Variants in NSMCE2 observed in about 807,000 individuals in gnomAD.
NSMCE2 encodes E3 SUMO-protein ligase NSE2.
A neutral mutation model predicts 23.8 loss-of-function variants in NSMCE2; 24 were observed. That is an observed-to-expected ratio of 1.01 (90% CI 0.73 to 1.42). NSMCE2 has a LOEUF of 1.42. NSMCE2 is among the 40% of genes most tolerant of loss of function. NSMCE2 has a pLI of 0.00. For missense variants in NSMCE2, 284 were observed against 296.5 expected (o/e 0.96, Z 0.31); for synonymous variants, 92 against 94.1 (o/e 0.98, Z 0.13).
chr8:125,351,838 C>G (rs1389461297), intron 5 of NSMCE2, among the ~76,000 whole-genome samples: 2 of 151,850 alleles, frequency 1.3e-5, no homozygotes, highest in African/African-American at 4.8e-5. Context: ...TGGTGAAACC[C>G]CCATCTCTAC....
chr8:125,245,498 A>G (rs1311333754), intron 5 of NSMCE2, among the ~76,000 whole-genome samples: 1 of 152,218 alleles, frequency 6.6e-6, no homozygotes, highest in African/African-American at 2.4e-5. Flanking sequence ...ACTTACCAAA[A>G]TGTGTAGGTG....
chr8:125,229,358 A>G (rs1178763351), intron 5 of NSMCE2, among the ~76,000 whole-genome samples: 12 of 152,204 alleles, frequency 7.9e-5, no homozygotes, highest in Admixed American at 7.9e-4. Context: ...CATCCTTAAT[A>G]GTAAAATATT....
At chr8:125,198,069 A>C (rs1044853727) in intron 5 of NSMCE2, among the ~76,000 whole-genome samples, 3 of 152,238 alleles carry the variant, frequency 2.0e-5, no homozygotes, top group Non-Finnish European at 4.4e-5. Context: ...GTTGCTTATC[A>C]GCTTAAGGAG....
chr8:125,172,764 T>C (rs1822282801), intron 4 of NSMCE2, among the ~76,000 whole-genome samples: 1 of 152,268 alleles, frequency 6.6e-6, no homozygotes, highest in Non-Finnish European at 1.5e-5. Flanking sequence ...GTCTTAGCTT[T>C]TGCTATTGGT....
chr8:125,235,717 T>G (rs775701083), intron 5 of NSMCE2, among the ~76,000 whole-genome samples: 1 of 152,238 alleles, frequency 6.6e-6, no homozygotes, highest in African/African-American at 2.4e-5. Context: ...GTCAAATTGT[T>G]TTATTCATAC....
intron 5 of NSMCE2, among the ~76,000 whole-genome samples, chr8:125,339,602 T>G (rs1830168278): frequency 6.6e-6 from 1 of 152,188 alleles, no homozygotes; most frequent in Admixed American, 6.5e-5. Context: ...CATTTGTACA[T>G]ATCATTAGAA....
intron 3 of NSMCE2, among the ~76,000 whole-genome samples, chr8:125,105,555 A>T (rs2130383589): frequency 6.6e-6 from 1 of 152,324 alleles, no homozygotes; most frequent in South Asian, 2.1e-4. Flanking sequence ...AATTATAAAC[A>T]TCATTTTTTG....
chr8:125,150,593 G>A (rs1015956556), intron 3 of NSMCE2, among the ~76,000 whole-genome samples: 6 of 151,750 alleles, frequency 4.0e-5, no homozygotes, highest in Non-Finnish European at 5.9e-5. Context: ...TGTTGGCCAG[G>A]CTGGTCTTGA....
chr8:125,363,542 A>AAGAAAGAAAG (rs781446509), intron 7 of NSMCE2, among the ~76,000 whole-genome samples: 4 of 103,008 alleles, frequency 3.9e-5, no homozygotes, highest in African/African-American at 1.5e-4. Flanking sequence ...GAAAGAAAGA[A>AAGAAAGAAAG]AGAGAGAGAG....
intron 5 of NSMCE2, among the ~76,000 whole-genome samples, chr8:125,195,879 CTTT>C (rs34687223): frequency 3.6e-5 from 3 of 83,658 alleles, no homozygotes; most frequent in East Asian, 3.7e-4. Flanking sequence ...TCCTGAATAA[CTTT>C]TTTTTTTTTT....
chr8:125,353,988 A>G (rs1355208541), intron 5 of NSMCE2, among the ~76,000 whole-genome samples: 2 of 150,372 alleles, frequency 1.3e-5, no homozygotes, highest in Admixed American at 1.3e-4. Flanking sequence ...CTGGAGTGCA[A>G]TGGCATGATC....
At chr8:125,150,453 A>C (rs1173973817) in intron 3 of NSMCE2, among the ~76,000 whole-genome samples, 4 of 17,846 alleles carry the variant, frequency 2.2e-4, no homozygotes, top group Non-Finnish European at 3.3e-4. Context: ...TTTTTTTTTG[A>C]GATGGAGTCT....
chr8:125,257,871 G>C (rs1338129173), intron 5 of NSMCE2, among the ~76,000 whole-genome samples: 1 of 152,130 alleles, frequency 6.6e-6, no homozygotes, highest in East Asian at 1.9e-4. Context: ...TGCATGGAAA[G>C]TAAGAAAATA....
chr8:125,279,507 G>A (rs567429753), intron 5 of NSMCE2, among the ~76,000 whole-genome samples: 50 of 152,280 alleles, frequency 3.3e-4, no homozygotes, highest in Admixed American at 5.2e-4. Flanking sequence ...AGTAGACTGG[G>A]GTAAGTAAGG....
chr8:125,141,028 A>G (rs1046150367), intron 3 of NSMCE2, among the ~76,000 whole-genome samples: 3 of 152,208 alleles, frequency 2.0e-5, no homozygotes, highest in Admixed American at 6.5e-5. Flanking sequence ...CTTTAAAATG[A>G]CAGATTCCCA....
chr8:125,329,242 G>C (rs1485763419), intron 5 of NSMCE2, among the ~76,000 whole-genome samples: 1 of 152,142 alleles, frequency 6.6e-6, no homozygotes, highest in African/African-American at 2.4e-5. Context: ...CTTTAATTAG[G>C]ATGTTCTTGG....
chr8:125,129,392 T>C (rs928380190), intron 3 of NSMCE2, among the ~76,000 whole-genome samples: 28 of 152,252 alleles, frequency 1.8e-4, no homozygotes, highest in African/African-American at 6.3e-4. Context: ...GATCAGGAAA[T>C]TGAGGCCCAG....
intron 5 of NSMCE2, among the ~76,000 whole-genome samples, chr8:125,332,826 G>A (rs1421993776): frequency 6.6e-6 from 1 of 152,184 alleles, no homozygotes; most frequent in Non-Finnish European, 1.5e-5. Context: ...TTGACCCTGT[G>A]AGAAGCCGTT....
chr8:125,316,714 CCTTCTTTCTTTCCTTCTT>C (rs1829210490), intron 5 of NSMCE2, among the ~76,000 whole-genome samples: 2 of 111,446 alleles, frequency 1.8e-5, no homozygotes, highest in Non-Finnish European at 2.0e-5. Context: ...TTCCTTCTTT[CCTTCTTTCTTTCCTTCTT>C]TTCCTTCCTT....
Sources: allele counts gnomAD v4.1 joint callset (sites outside exome capture counted in the v4.1 genomes callset), GRCh38; gene constraint gnomAD v4.1.1; transcripts MANE v1.5; gene names NCBI Gene and HGNC (gene_info 2026-07-23, HGNC 2026-07-21).